Variants in HPRT1 observed in about 807,000 individuals in gnomAD.
HPRT1 encodes hypoxanthine-guanine phosphoribosyltransferase.
A neutral mutation model predicts 19.0 loss-of-function variants in HPRT1; 4 were observed. The observed-to-expected ratio is 0.21, with a 90% CI of 0.10 to 0.48. HPRT1 has a LOEUF of 0.48. Among genes scored for constraint, HPRT1 ranks in the 20% least tolerant of loss-of-function variants. The probability of loss-of-function intolerance (pLI) is 0.98; values close to 1 mark genes in which losing one functional copy is unlikely to be tolerated. For missense variants in HPRT1, 65 were observed against 164.0 expected, an observed-to-expected ratio of 0.40 and a Z score of 3.30; for synonymous variants, 53 against 54.9, an observed-to-expected ratio of 0.97 and a Z score of 0.15.
intron 2 of HPRT1, among the ~76,000 whole-genome samples, chrX:134,473,928 T>A (rs902429986): frequency 8.9e-6 from 1 of 112,350 alleles, no homozygotes; most frequent in African/African-American, 3.2e-5. Context: ...AATATCAAAA[T>A]ATTTGTGTTA....
rs182347676 is a variant in HPRT1, at chrX:134,482,605, C to T, written c.319-3860C>T. ...AATTTATATTGCCACATGTGGCTACCGTATGGGACAGTGTAGTACTAGATG... is the reference window on the plus strand; with the variant it reads ...AATTTATATTGCCACATGTGGCTACTGTATGGGACAGTGTAGTACTAGATG... On this transcript the variant is annotated intron_variant, in intron 3 of 8. Coordinates refer to ENST00000298556, the MANE Select transcript of HPRT1 (RefSeq NM_000194.3). Among the ~76,000 whole-genome samples, 45 of 110,911 alleles carry T rather than the reference C, an allele frequency of 4.1e-4. 1 individual carries two copies. In the Middle Eastern group the frequency reaches 0.033, roughly 81 times the overall value.
At chrX:134,468,221 ACT>A (rs17879062) in intron 1 of HPRT1, among the ~76,000 whole-genome samples, 19,237 of 109,598 alleles carry the variant, frequency 0.18, 1,576 homozygotes, top group African/African-American at 0.29. Context: ...AATTTATCTA[ACT>A]CTCTCTAGTA....
At chrX:134,497,312 G>A (rs780531063) in intron 6 of HPRT1, among the ~76,000 whole-genome samples, 1 of 110,178 alleles carries the variant, frequency 9.1e-6, no homozygotes, top group East Asian at 2.9e-4. Context: ...CTGGGCCACA[G>A]AGCGAGACTC....
intron 3 of HPRT1, 110 bp from the exon 4 acceptor site, chrX:134,486,354 CA>C (rs2077652601): frequency 2.9e-6 from 1 of 349,498 alleles, no homozygotes; most frequent in South Asian, 8.8e-5. Flanking sequence ...GCTAACTTCT[CA>C]AATCTTCTAG....
Position 134,460,300 on chromosome X carries a change from G to A in HPRT1, c.-12G>A, listed in dbSNP as rs1250959993. Reference sequence around the variant, plus strand: ...TCCTGAGCAGTCAGCCCGCGCGCCGGCCGGCTCCGTTATGGCGACCCGCAG... The same window carrying A: ...TCCTGAGCAGTCAGCCCGCGCGCCGACCGGCTCCGTTATGGCGACCCGCAG... On this transcript the variant is annotated 5_prime_UTR_variant, in exon 1 of 9. Transcript: ENST00000298556. 3 of 1,131,500 alleles carry A rather than the reference G, an allele frequency of 2.7e-6. No individual in the cohort carries two copies. Among genetic ancestry groups the A allele is most frequent in the Non-Finnish European group, 3.5e-6 (3 of 859,969 alleles). The allele number at this position is 1,131,500 out of a possible 1,213,427, so 93.2% of individuals were successfully genotyped here.
At chrX:134,463,088 C>T (rs768883219) in intron 1 of HPRT1, among the ~76,000 whole-genome samples, 4 of 111,823 alleles carry the variant, frequency 3.6e-5, no homozygotes, top group Non-Finnish European at 7.5e-5. Context: ...CCTAAAGTTA[C>T]ATAACAGGTA....
chrX:134,495,641 C>G (rs1186386326), intron 6 of HPRT1, among the ~76,000 whole-genome samples: 1 of 111,315 alleles, frequency 9.0e-6, no homozygotes. Context: ...AGATCTGAGT[C>G]ACGTACCATA....
chrX:134,485,893 A>T (rs756256648), intron 3 of HPRT1, among the ~76,000 whole-genome samples: 107 of 112,368 alleles, frequency 9.5e-4, no homozygotes, highest in African/African-American at 3.3e-3. Flanking sequence ...GGATTCTGTG[A>T]TAGCAGTAAA....
intron 1 of HPRT1, among the ~76,000 whole-genome samples, chrX:134,464,480 A>G (rs1037243145): frequency 1.5e-4 from 17 of 112,047 alleles, no homozygotes; most frequent in African/African-American, 5.2e-4. Context: ...TGCCCATTCC[A>G]GAAGTTTGGA....
chrX:134,495,153 A>G lies in HPRT1; in HGVS notation c.485+1563A>G, dbSNP rs1367470841. On this transcript the variant is annotated intron_variant, in intron 6 of 8. Transcript: ENST00000298556. The stretch of plus-strand genomic sequence containing the variant: ...AGTATAAGTGGCCTACTGTGATCAC[A>G]CCACTGCACTCCAGCCTGGGTGACA... 2.9e-5 allele frequency among the ~76,000 whole-genome samples: 3 copies of G among 104,009 alleles called. No individual in the cohort carries two copies. The Admixed American group carries it at 3.2e-4, about 11-fold the overall frequency. 90.3% of individuals were successfully genotyped at this position (104,009 alleles called of 115,157 possible).
At chrX:134,468,194 T>C (rs889352089) in intron 1 of HPRT1, among the ~76,000 whole-genome samples, 32 of 106,025 alleles carry the variant, frequency 3.0e-4, no homozygotes, top group African/African-American at 1.1e-3. Flanking sequence ...GTAAGTTCTG[T>C]GAGGGTAGCT....
intron 8 of HPRT1, 83 bp from the exon 9 acceptor site, chrX:134,499,947 T>C: frequency 3.2e-6 from 2 of 625,570 alleles, no homozygotes; most frequent in South Asian, 4.6e-5. Context: ...CAACTAATAG[T>C]GTTCTTATAT....
intron 1 of HPRT1, among the ~76,000 whole-genome samples, chrX:134,460,852 G>A: frequency 9.0e-6 from 1 of 111,116 alleles, no homozygotes; most frequent in Non-Finnish European, 1.9e-5. Context: ...TCATCTTTAT[G>A]GAGATGCTCA....
chrX:134,480,613 TAA>T (rs749028644), intron 3 of HPRT1, among the ~76,000 whole-genome samples: 1 of 95,860 alleles, frequency 1.0e-5, no homozygotes. Flanking sequence ...ATGGCTATTT[TAA>T]AAAAAAAAAA....
chrX:134,477,384 G>A (rs2077628650), intron 3 of HPRT1, among the ~76,000 whole-genome samples: 1 of 110,339 alleles, frequency 9.1e-6, no homozygotes, highest in Non-Finnish European at 1.9e-5. Flanking sequence ...TTTAAAAAAG[G>A]CTTTACTGGG....
intron 3 of HPRT1, among the ~76,000 whole-genome samples, chrX:134,479,310 C>T (rs2077633149): frequency 9.0e-6 from 1 of 111,428 alleles, no homozygotes; most frequent in Admixed American, 9.5e-5. Context: ...ACTCTTGTCC[C>T]CCAGGCTGGA....
At chrX:134,470,960 TCA>T (rs1380462625) in intron 1 of HPRT1, among the ~76,000 whole-genome samples, 2 of 108,451 alleles carry the variant, frequency 1.8e-5, no homozygotes, top group African/African-American at 6.7e-5. Context: ...GTAGAAAGTG[TCA>T]AGACCCCACT....
At chrX:134,486,441 A>G (rs767298043) in intron 3 of HPRT1, 24 bp from the exon 4 acceptor site, 15 of 774,158 alleles carry the variant, frequency 1.9e-5, no homozygotes, top group East Asian at 7.2e-5. Flanking sequence ...ATATATATAT[A>G]TAGTTTTTTT....
intron 1 of HPRT1, among the ~76,000 whole-genome samples, chrX:134,466,102 C>G (rs934446753): frequency 9.2e-6 from 1 of 109,132 alleles, no homozygotes; most frequent in African/African-American, 3.4e-5. Context: ...GGGCCCAGGT[C>G]TGATTGGATT....
Sources: allele counts gnomAD v4.1 joint callset (sites outside exome capture counted in the v4.1 genomes callset), GRCh38; gene constraint gnomAD v4.1.1; transcripts MANE v1.5; gene names NCBI Gene and HGNC (gene_info 2026-07-23, HGNC 2026-07-21).